The following MELK variants were observed in gnomAD, a reference collection of about 807,000 sequenced individuals.
MELK encodes the protein maternal embryonic leucine zipper kinase.
MELK carries 81 observed loss-of-function variants against 85.0 expected under a neutral mutation model. The observed-to-expected ratio is 0.95, with a 90% CI of 0.80 to 1.15. The LOEUF is 1.15. Ranked by LOEUF, MELK falls within the 50% of genes most tolerant of loss-of-function variation. MELK has a pLI of 0.00. For synonymous variants in MELK, 252 were observed against 265.0 expected, an observed-to-expected ratio of 0.95 and a Z score of 0.48; for missense variants, 754 against 777.5, an observed-to-expected ratio of 0.97 and a Z score of 0.36.
chr9:36,588,257 A>G (rs1823155302), intron 3 of MELK, among the ~76,000 whole-genome samples: 1 of 145,290 alleles, frequency 6.9e-6, no homozygotes, highest in African/African-American at 2.7e-5. Flanking sequence ...TTTAGTAGAG[A>G]CGGGCTTTCT....
intron 1 of MELK, among the ~76,000 whole-genome samples, chr9:36,573,928 G>A (rs79586865): frequency 0.029 from 4,453 of 152,272 alleles, 222 homozygotes; most frequent in African/African-American, 0.1. Flanking sequence ...GGCTGCCCAA[G>A]AGAGGAATCA....
At chr9:36,600,953 T>C (rs1417426932) in intron 7 of MELK, among the ~76,000 whole-genome samples, 1 of 152,206 alleles carries the variant, frequency 6.6e-6, no homozygotes, top group Non-Finnish European at 1.5e-5. Context: ...GGTATATCTT[T>C]TACTCAAATT....
intron 4 of MELK, among the ~76,000 whole-genome samples, chr9:36,592,499 C>G (rs770959138): frequency 6.6e-6 from 1 of 152,000 alleles, no homozygotes; most frequent in Non-Finnish European, 1.5e-5. Flanking sequence ...TTTCTCTGAG[C>G]CATTCATGTA....
chr9:36,595,118 G>C (rs1483620738), intron 5 of MELK, among the ~76,000 whole-genome samples: 1 of 149,174 alleles, frequency 6.7e-6, no homozygotes, highest in African/African-American at 2.5e-5. Flanking sequence ...GTAGAGATGG[G>C]GTTTCACCAT....
intron 1 of MELK, among the ~76,000 whole-genome samples, chr9:36,574,863 G>A (rs1211433686): frequency 2.0e-5 from 3 of 151,782 alleles, no homozygotes; most frequent in Admixed American, 2.0e-4. Context: ...TAGGCCGGGC[G>A]CGGTGGCTCA....
At chr9:36,665,124 T>C (rs530258373) in intron 13 of MELK, among the ~76,000 whole-genome samples, 198 of 152,270 alleles carry the variant, frequency 1.3e-3, no homozygotes, top group African/African-American at 4.2e-3. Context: ...GTGTATACAC[T>C]CAGCCTGTAT....
chr9:36,648,250 A>G (rs1369153833), intron 11 of MELK, among the ~76,000 whole-genome samples: 2 of 152,182 alleles, frequency 1.3e-5, no homozygotes, highest in Admixed American at 6.5e-5. Context: ...AGTTTGGAAG[A>G]TATAGGTTAG....
At chr9:36,607,507 G>A (rs1587411239) in intron 7 of MELK, 68 bp from the exon 8 acceptor site, 1 of 1,153,374 alleles carries the variant, frequency 8.7e-7, no homozygotes, top group South Asian at 1.3e-5. Flanking sequence ...TGGATCAAGA[G>A]TCCTACCATT....
intron 10 of MELK, among the ~76,000 whole-genome samples, chr9:36,638,485 A>G (rs1244024821): frequency 6.6e-6 from 1 of 152,086 alleles, no homozygotes; most frequent in Non-Finnish European, 1.5e-5. Flanking sequence ...GGGTTTATCC[A>G]TGTTGGTCAG....
At chr9:36,575,117 A>G (rs781531391) in intron 1 of MELK, among the ~76,000 whole-genome samples, 7 of 152,232 alleles carry the variant, frequency 4.6e-5, no homozygotes, top group Admixed American at 3.9e-4. Context: ...TGGGCAAGAG[A>G]GCAAGACTCC....
chr9:36,651,823 G>T lies in MELK; in HGVS notation c.999G>T (p.Arg333Ser). 1 of 1,613,956 alleles carries T rather than the reference G, an allele frequency of 6.2e-7. No homozygotes were observed. Among genetic ancestry groups the T allele is most frequent in the Non-Finnish European group, 8.5e-7 (1 of 1,179,972 alleles). Residue 333 changes from arginine (R) to serine (S), a missense_variant, in exon 12 of 18, where the codon AGG (arginine) becomes AGT (serine). Physicochemically the swap from Arg to Ser is moderately radical, Grantham distance 110. Coordinates refer to ENST00000298048, the MANE Select transcript of MELK (RefSeq NM_014791.4). ...CTCGGGGAAAACCAGTTCGTTTAAG[G>T]CTTTCTTCTTTCTCCTGTGGACAAG... ...KKARGKPVRLRLSSFSCGQAS... is the reference protein window; with the variant it reads ...KKARGKPVRLSLSSFSCGQAS...
chr9:36,665,519 A>G lies in MELK; in HGVS notation c.1346A>G (p.Asn449Ser). ...FMFPEPKTPVNKNQHKREILT... is the reference protein window; with the variant it reads ...FMFPEPKTPVSKNQHKREILT... The stretch of plus-strand genomic sequence containing the variant: ...TTTCCTGAGCCAAAGACTCCAGTTA[A>G]TAAGAACCAGCATAAGAGAGAAATA... The change falls in exon 14 of 18, where the codon AAT becomes AGT. Residue 449 changes from asparagine to serine, a missense_variant. Physicochemically the swap from Asn to Ser is conservative, Grantham distance 46. Coordinates refer to ENST00000298048, the MANE Select transcript of MELK (RefSeq NM_014791.4). 1 of 1,613,974 alleles carries G rather than the reference A, an allele frequency of 6.2e-7. No homozygotes were observed. The highest frequency in any genetic ancestry group is 8.5e-7 in the Non-Finnish European group (1 of 1,179,908).
In MELK at chr9:36,657,249, T is replaced by C. The variant is rs138281295; in HGVS notation, c.1062T>C (p.Asn354=). The change falls in exon 13 of 18, where the codon AAT becomes AAC. Residue 354 remains asparagine (N), a synonymous_variant. Coordinates refer to ENST00000298048, the MANE Select transcript of MELK (RefSeq NM_014791.4). ...TGTCTTTCATTGAGTAGTCAAATAATTGGAGTCTGGAAGATGTGACCGCAA... is the reference window on the plus strand; with the variant it reads ...TGTCTTTCATTGAGTAGTCAAATAACTGGAGTCTGGAAGATGTGACCGCAA... The part of the protein sequence containing the change: ...ATPFTDIKSN[N]WSLEDVTASD... 1.6e-5 allele frequency: 26 copies of C among 1,611,082 alleles called. No individual in the cohort carries two copies. The African/African-American group carries it at 2.8e-4, about 17-fold the overall frequency.
At chr9:36,615,507 TC>T (rs1826610625) in intron 8 of MELK, among the ~76,000 whole-genome samples, 1 of 126,962 alleles carries the variant, frequency 7.9e-6, no homozygotes, top group African/African-American at 3.2e-5. Context: ...CCCCCCCACC[TC>T]CCTCCCGGAC....
intron 13 of MELK, among the ~76,000 whole-genome samples, chr9:36,660,295 C>T (rs1413870944): frequency 2.0e-5 from 3 of 152,118 alleles, no homozygotes; most frequent in Non-Finnish European, 4.4e-5. Flanking sequence ...CTTCGGCAGC[C>T]ACAATGTGCA....
chr9:36,605,796 CTTTCT>C (rs1234604823), intron 7 of MELK, among the ~76,000 whole-genome samples: 1 of 151,448 alleles, frequency 6.6e-6, no homozygotes, highest in African/African-American at 2.4e-5. Flanking sequence ...ACTGTTTTCT[CTTTCT>C]TTTCTTTCTT....
chr9:36,650,765 T>G (rs546747230), intron 11 of MELK, among the ~76,000 whole-genome samples: 1 of 152,022 alleles, frequency 6.6e-6, no homozygotes, highest in Non-Finnish European at 1.5e-5. Context: ...AAGATAGAGG[T>G]GAAAGGAATC....
chr9:36,657,292 G>C lies in MELK; in HGVS notation c.1105G>C (p.Ala369Pro). The stretch of plus-strand genomic sequence containing the variant: ...GACCGCAAGTGATAAAAATTATGTG[G>C]CGGGATTAATAGACTATGATTGGTG... ...DVTASDKNYV[A>P]GLIDYDWCED... The change falls in exon 13 of 18, where the codon GCG (alanine) becomes CCG (proline). Residue 369 changes from alanine to proline, a missense_variant. Transcript: ENST00000298048. 6.2e-7 allele frequency: 1 copy of C among 1,613,630 alleles called. No homozygotes were observed. The highest frequency in any genetic ancestry group is 1.1e-5 in the South Asian group (1 of 90,934).
chr9:36,575,269 T>A (rs1448754110), intron 1 of MELK, among the ~76,000 whole-genome samples: 4 of 152,240 alleles, frequency 2.6e-5, no homozygotes, highest in Non-Finnish European at 5.9e-5. Context: ...AGAGGCTGTC[T>A]TCCGCGTTGA....
Sources: allele counts gnomAD v4.1 joint callset (sites outside exome capture counted in the v4.1 genomes callset), GRCh38; gene constraint gnomAD v4.1.1; transcripts MANE v1.5; gene names NCBI Gene and HGNC (gene_info 2026-07-23, HGNC 2026-07-21).